Variants in BRWD3 observed in about 807,000 individuals in gnomAD.
BRWD3 encodes bromodomain and WD repeat-containing protein 3.
In BRWD3, 10 loss-of-function variants were observed where a neutral mutation model predicts 149.7. That is an observed-to-expected ratio of 0.07 (90% confidence interval 0.04 to 0.11). The LOEUF (loss-of-function observed/expected upper bound fraction) is 0.11, where lower values mean the gene tolerates loss of function less well. Among genes scored for constraint, BRWD3 ranks in the 10% least tolerant of loss-of-function variants. The pLI is 1.00. For synonymous variants in BRWD3, 504 were observed against 456.7 expected (o/e 1.10, Z -1.32); for missense variants, 940 against 1,373.2 (o/e 0.68, Z 4.99).
At chrX:80,786,801 C>A (rs1353953408) in intron 6 of BRWD3, among the ~76,000 whole-genome samples, 2 of 112,131 alleles carry the variant, frequency 1.8e-5, no homozygotes, top group African/African-American at 3.2e-5. Flanking sequence ...TAAGCCACAG[C>A]GCCCAGCCTA....
intron 12 of BRWD3, among the ~76,000 whole-genome samples, chrX:80,731,888 C>T (rs2073337919): frequency 1.4e-5 from 1 of 69,514 alleles, no homozygotes; most frequent in Admixed American, 2.0e-4. Flanking sequence ...GAGCGAGACT[C>T]TGTCTCAAAA....
At chrX:80,790,762 T>C (rs917175773) in intron 6 of BRWD3, among the ~76,000 whole-genome samples, 74 of 112,060 alleles carry the variant, frequency 6.6e-4, no homozygotes, top group African/African-American at 2.3e-3. Flanking sequence ...GTTGACAGTA[T>C]AGCTAAAAAT....
intron 26 of BRWD3, among the ~76,000 whole-genome samples, chrX:80,696,372 T>C (rs2072692645): frequency 9.0e-6 from 1 of 110,658 alleles, no homozygotes; most frequent in Admixed American, 9.7e-5. Flanking sequence ...AAACATTCAA[T>C]TAGGGAATTA....
chrX:80,681,548 G>A (rs2072447247), intron 39 of BRWD3, 49 bp from the exon 40 acceptor site: 2 of 1,061,639 alleles, frequency 1.9e-6, no homozygotes, highest in Non-Finnish European at 2.6e-6. Context: ...ATGTTTTCAG[G>A]AAAGTTAAAC....
At chrX:80,723,940 C>T in intron 15 of BRWD3, 64 bp from the exon 16 acceptor site, 2 of 1,108,119 alleles carry the variant, frequency 1.8e-6, no homozygotes. Context: ...TAGGCGGTAA[C>T]TTCTCCTTGT....
chrX:80,732,033 G>A (rs2073340568), intron 12 of BRWD3, among the ~76,000 whole-genome samples: 1 of 110,636 alleles, frequency 9.0e-6, no homozygotes, highest in Non-Finnish European at 1.9e-5. Context: ...TCTTGTGATG[G>A]GTCACCAATA....
intron 12 of BRWD3, among the ~76,000 whole-genome samples, chrX:80,731,277 TCTC>T (rs1454433457): frequency 9.0e-6 from 1 of 111,595 alleles, no homozygotes; most frequent in African/African-American, 3.3e-5. Context: ...AAGTTGGACA[TCTC>T]CTCATGTGTT....
intron 4 of BRWD3, among the ~76,000 whole-genome samples, chrX:80,797,553 A>G (rs903262705): frequency 1.8e-5 from 2 of 111,936 alleles, no homozygotes; most frequent in Non-Finnish European, 3.8e-5. Flanking sequence ...CATTTTATAG[A>G]AACAATGATG....
intron 6 of BRWD3, among the ~76,000 whole-genome samples, chrX:80,766,088 T>C (rs73504627): frequency 3.9e-4 from 44 of 111,962 alleles, no homozygotes; most frequent in African/African-American, 1.1e-3. Context: ...AACATTTGAA[T>C]TGGTAGACAG....
intron 40 of BRWD3, 84 bp downstream of exon 40, chrX:80,681,257 T>G: frequency 9.8e-7 from 1 of 1,015,819 alleles, no homozygotes; most frequent in African/African-American, 1.9e-5. Context: ...GTTTTTAGTA[T>G]GTCAACATGT....
rs2074390532 is a variant in BRWD3, at chrX:80,809,720, TGAGAGAGAGAGAGAGAAGAGAGA to T, written c.-272_-250del. 1 of 221,372 alleles carries T rather than the reference TGAGAGAGAGAGAGAGAAGAGAGA, an allele frequency of 4.5e-6. No individual in the cohort carries two copies. Among genetic ancestry groups the T allele is most frequent in the African/African-American group, 5.3e-5 (1 of 18,844 alleles). The allele number at this position is 221,372 out of a possible 1,213,427, so 18.2% of individuals were successfully genotyped here. ...GAGAGGGAGAGAGAGAGTGAGTGAG[TGAGAGAGAGAGAGAGAAGAGAGA>T]GAGAGAGAGAGGAAAAAGAGAGAGA... On this transcript the variant is annotated 5_prime_UTR_variant, in exon 1 of 41. Coordinates refer to ENST00000373275, the MANE Select transcript of BRWD3 (RefSeq NM_153252.5).
At chrX:80,713,696 A>T (rs866199838) in intron 20 of BRWD3, among the ~76,000 whole-genome samples, 3 of 112,112 alleles carry the variant, frequency 2.7e-5, no homozygotes, top group Non-Finnish European at 1.9e-5. Context: ...ATAAAAAAAT[A>T]AAAAATAAAA....
intron 16 of BRWD3, 101 bp downstream of exon 16, chrX:80,723,647 A>G (rs2073182045): frequency 3.4e-6 from 3 of 880,634 alleles, no homozygotes; most frequent in Admixed American, 2.4e-5. Context: ...TTTTGTATCT[A>G]TTGACACATA....
At chrX:80,713,052 G>C (rs1186474351) in intron 20 of BRWD3, among the ~76,000 whole-genome samples, 1 of 108,238 alleles carries the variant, frequency 9.2e-6, no homozygotes, top group Non-Finnish European at 1.9e-5. Flanking sequence ...CAGCTGCCCC[G>C]TCTGGGAGGG....
chrX:80,712,128 G>C (rs1001260066), intron 20 of BRWD3, among the ~76,000 whole-genome samples: 55 of 111,595 alleles, frequency 4.9e-4, no homozygotes, highest in Admixed American at 2.8e-3. Flanking sequence ...AGGTCCAGGA[G>C]AGAGTTGTTT....
At chrX:80,745,163 T>C (rs1392114523) in intron 7 of BRWD3, among the ~76,000 whole-genome samples, 1 of 111,138 alleles carries the variant, frequency 9.0e-6, no homozygotes, top group Non-Finnish European at 1.9e-5. Context: ...TTCATCACAG[T>C]GTAGTTCAAC....
intron 20 of BRWD3, among the ~76,000 whole-genome samples, chrX:80,712,924 T>A (rs1455120617): frequency 9.3e-6 from 1 of 107,183 alleles, no homozygotes; most frequent in East Asian, 3.0e-4. Context: ...AGCCGCCCCG[T>A]CTGAGAAGTG....
rs1005764800 is a variant in BRWD3 at position 80,809,609 on chromosome X, C to T, written c.-138G>A. The T allele has an allele frequency of 3.1e-5, 14 of 456,589 alleles. No homozygotes were observed. Among genetic ancestry groups the T allele is most frequent in the Non-Finnish European group, 5.0e-5 (13 of 259,532 alleles). 37.6% of individuals were successfully genotyped at this position (456,589 alleles called of 1,213,427 possible). ...CCGCACTCCTCGTCCTAGTTTCGCT[C>T]TCTCTCGAATTCATCGCATCACGTT... On this transcript the variant is annotated 5_prime_UTR_variant, in exon 1 of 41. Coordinates refer to ENST00000373275, the MANE Select transcript of BRWD3 (RefSeq NM_153252.5).
intron 14 of BRWD3, among the ~76,000 whole-genome samples, 156 bp downstream of exon 14, chrX:80,728,596 T>C (rs746630011): frequency 8.9e-6 from 1 of 111,798 alleles, no homozygotes; most frequent in African/African-American, 3.2e-5. Flanking sequence ...GTGTCATCCC[T>C]ATTTTACAGA....
Sources: gnomAD v4.1 joint callset for allele counts (sites outside exome capture counted in the v4.1 genomes callset) on GRCh38, gnomAD v4.1.1 for gene constraint, MANE v1.5 for transcripts, NCBI Gene and HGNC (gene_info 2026-07-23, HGNC 2026-07-21) for gene names.